The following INPP4B variants were observed in gnomAD, a reference collection of about 807,000 sequenced individuals.
INPP4B encodes inositol polyphosphate 4-phosphatase type II.
INPP4B carries 55 observed loss-of-function variants against 122.5 expected under a neutral mutation model. The ratio of observed to expected loss-of-function variants is 0.45; its 90% confidence interval spans 0.36 to 0.56. INPP4B has a LOEUF of 0.56. Among genes scored for constraint, INPP4B ranks in the 20% least tolerant of loss-of-function variants. The pLI, the probability that INPP4B is intolerant of heterozygous loss-of-function variation, is 0.00. For missense variants in INPP4B, 1,000 were observed against 1,097.7 expected, an observed-to-expected ratio of 0.91 and a Z score of 1.26; for synonymous variants, 403 against 388.7, an observed-to-expected ratio of 1.04 and a Z score of -0.43.
chr4:142,084,094 GA>G (rs1775502356), intron 24 of INPP4B, among the ~76,000 whole-genome samples: 2 of 151,970 alleles, frequency 1.3e-5, no homozygotes, highest in African/African-American at 4.8e-5. Context: ...TAAACTTAAA[GA>G]AGAAAAAAAC....
At chr4:142,102,790 G>A (rs1014891621) in intron 23 of INPP4B, among the ~76,000 whole-genome samples, 1 of 151,814 alleles carries the variant, frequency 6.6e-6, no homozygotes, top group Non-Finnish European at 1.5e-5. Flanking sequence ...AGTCTCAGGG[G>A]GCCTCATCAT....
At chr4:142,702,241 A>G (rs960199609) in intron 2 of INPP4B, among the ~76,000 whole-genome samples, 1 of 152,144 alleles carries the variant, frequency 6.6e-6, no homozygotes, top group Non-Finnish European at 1.5e-5. Flanking sequence ...ACAATTGGAC[A>G]CAAAAGACTC....
chr4:142,725,896 T>C lies in INPP4B; in HGVS notation c.-248A>G, dbSNP rs1251521397. The C allele has an allele frequency of 5.0e-6, 2 of 397,938 alleles. No homozygotes were observed. Among genetic ancestry groups the C allele is most frequent in the East Asian group, 7.1e-5 (2 of 27,974 alleles). 24.7% of individuals were successfully genotyped at this position (397,938 alleles called of 1,614,324 possible). On this transcript the variant is annotated 5_prime_UTR_variant, in exon 2 of 26. Transcript: ENST00000262992. ...CTCTTGCCAGGTAACACCATTTCTT[T>C]GTATTCTACGGGAAAAGAGAAAGAA...
chr4:142,595,366 G>C lies in INPP4B; in HGVS notation c.-191+130473C>G, dbSNP rs557324642. Among the ~76,000 whole-genome samples the C allele has an allele frequency of 6.9e-4, 105 of 152,020 alleles. No homozygotes were observed. The Middle Eastern group carries it at 0.017, about 25-fold the overall frequency. On this transcript the variant is annotated intron_variant, in intron 2 of 25. Transcript: ENST00000262992. ...TACCAATTAATATATTAATGACAGA[G>C]GACCTAGAATGGTGGAATTTTTAAA...
intron 2 of INPP4B, among the ~76,000 whole-genome samples, chr4:142,652,568 C>T (rs1044081818): frequency 1.3e-5 from 2 of 152,064 alleles, no homozygotes; most frequent in Non-Finnish European, 2.9e-5. Flanking sequence ...CATTCCTAAA[C>T]ACCAATAACA....
chr4:142,100,940 G>A (rs572808642), intron 23 of INPP4B, among the ~76,000 whole-genome samples: 15 of 152,190 alleles, frequency 9.9e-5, no homozygotes, highest in Admixed American at 2.0e-4. Context: ...GTATTACCAT[G>A]TAGAAAAATG....
chr4:142,150,162 T>G (rs1227762208), intron 17 of INPP4B, among the ~76,000 whole-genome samples: 1 of 152,202 alleles, frequency 6.6e-6, no homozygotes, highest in Non-Finnish European at 1.5e-5. Context: ...ATGCCTAGAT[T>G]GCTGGTATGA....
intron 9 of INPP4B, among the ~76,000 whole-genome samples, chr4:142,273,655 T>C (rs1003636050): frequency 6.6e-6 from 1 of 152,080 alleles, no homozygotes; most frequent in South Asian, 2.1e-4. Context: ...GGGTTTCCTA[T>C]TTTTCCTTAT....
chr4:142,837,893 T>A (rs576537872), intron 1 of INPP4B, among the ~76,000 whole-genome samples: 37 of 152,206 alleles, frequency 2.4e-4, no homozygotes, highest in African/African-American at 8.9e-4. Flanking sequence ...AAAATATCCA[T>A]CACAGTGTGA....
At chr4:142,517,686 C>A (rs1825585150) in intron 2 of INPP4B, among the ~76,000 whole-genome samples, 1 of 152,120 alleles carries the variant, frequency 6.6e-6, no homozygotes, top group South Asian at 2.1e-4. Flanking sequence ...TTTAGCAGCC[C>A]ACCTAGTGAT....
At chr4:142,267,361 C>T (rs1292598622) in intron 10 of INPP4B, among the ~76,000 whole-genome samples, 1 of 152,108 alleles carries the variant, frequency 6.6e-6, no homozygotes, top group Non-Finnish European at 1.5e-5. Context: ...GGCATAAAAA[C>T]AGACACATTG....
intron 25 of INPP4B, among the ~76,000 whole-genome samples, chr4:142,039,222 G>T (rs1411068494): frequency 2.6e-5 from 4 of 152,180 alleles, no homozygotes; most frequent in African/African-American, 9.7e-5. Flanking sequence ...AAATAGTGGA[G>T]TTGGGGGCAA....
At chr4:142,194,237 C>T (rs1252131454) in intron 14 of INPP4B, among the ~76,000 whole-genome samples, 1 of 152,048 alleles carries the variant, frequency 6.6e-6, no homozygotes, top group Non-Finnish European at 1.5e-5. Context: ...CAACACAAAC[C>T]AACCCGTCAA....
intron 2 of INPP4B, among the ~76,000 whole-genome samples, chr4:142,493,347 G>A (rs1030698321): frequency 6.6e-6 from 1 of 152,110 alleles, no homozygotes; most frequent in Non-Finnish European, 1.5e-5. Context: ...TGAGAAATGG[G>A]CCATTATCCT....
chr4:142,650,443 C>A (rs560701848), intron 2 of INPP4B, among the ~76,000 whole-genome samples: 13 of 152,002 alleles, frequency 8.6e-5, no homozygotes, highest in African/African-American at 2.9e-4. Flanking sequence ...AGAGTCAAGA[C>A]CCATCAGTGT....
chr4:142,332,967 C>T lies in INPP4B; in HGVS notation c.373-18205G>A, dbSNP rs566134614. On this transcript the variant is annotated intron_variant, in intron 7 of 25. Coordinates refer to ENST00000262992, the MANE Select transcript of INPP4B (RefSeq NM_001101669.3). ...CGGAGCTTGTAGTAAGCCGAGATCG[C>T]GCCACTGCACTCCAGCCTGGGCGAC... 1.1e-4 allele frequency among the ~76,000 whole-genome samples: 16 copies of T among 145,340 alleles called. No homozygotes were observed. In the East Asian group the frequency reaches 3.0e-3, roughly 27 times the overall value.
At chr4:142,796,842 T>G (rs1332475839) in intron 1 of INPP4B, among the ~76,000 whole-genome samples, 2 of 150,676 alleles carry the variant, frequency 1.3e-5, no homozygotes, top group East Asian at 3.9e-4. Flanking sequence ...GGCTCCTCTA[T>G]TCACAGAAAC....
intron 9 of INPP4B, among the ~76,000 whole-genome samples, chr4:142,292,856 T>G (rs2150991209): frequency 6.6e-6 from 1 of 152,272 alleles, no homozygotes; most frequent in Non-Finnish European, 1.5e-5. Context: ...TGTATAATGT[T>G]TTTCTTGTAT....
At chr4:142,345,716 C>CA (rs143170989) in intron 7 of INPP4B, among the ~76,000 whole-genome samples, 2 of 151,436 alleles carry the variant, frequency 1.3e-5, no homozygotes, top group Non-Finnish European at 3.0e-5. Context: ...AGAGTAAAAA[C>CA]AAAAAAATAG....
Sources: gnomAD v4.1 joint callset for allele counts (sites outside exome capture counted in the v4.1 genomes callset) on GRCh38, gnomAD v4.1.1 for gene constraint, MANE v1.5 for transcripts, NCBI Gene and HGNC (gene_info 2026-07-23, HGNC 2026-07-21) for gene names.